The following CHRM3 variants were observed in gnomAD, a reference collection of about 807,000 sequenced individuals.
CHRM3 encodes the protein muscarinic acetylcholine receptor M3.
A neutral mutation model predicts 41.8 loss-of-function variants in CHRM3; 11 were observed. The ratio of observed to expected loss-of-function variants is 0.26; its 90% CI spans 0.17 to 0.44. The LOEUF (loss-of-function observed/expected upper bound fraction) is 0.44. Among genes scored for constraint, CHRM3 ranks in the 20% least tolerant of loss-of-function variants. The pLI is 1.00. For synonymous variants in CHRM3, 297 were observed against 301.4 expected, an observed-to-expected ratio of 0.99 and a Z score of 0.15; for missense variants, 571 against 745.4, an observed-to-expected ratio of 0.77 and a Z score of 2.72.
intron 6 of CHRM3, among the ~76,000 whole-genome samples, chr1:239,871,955 G>T (rs1676626131): frequency 6.6e-6 from 1 of 152,154 alleles, no homozygotes; most frequent in African/African-American, 2.4e-5. Context: ...CTACTTCTCA[G>T]TAATTTAGAC....
intron 1 of CHRM3, among the ~76,000 whole-genome samples, chr1:239,406,916 C>T (rs867401330): frequency 6.6e-6 from 1 of 152,176 alleles, no homozygotes; most frequent in South Asian, 2.1e-4. Context: ...TCTTGGGAAT[C>T]AGAGGGTGAA....
At chr1:239,687,082 A>G (rs1489766191) in intron 5 of CHRM3, among the ~76,000 whole-genome samples, 1 of 151,744 alleles carries the variant, frequency 6.6e-6, no homozygotes, top group Admixed American at 6.6e-5. Flanking sequence ...AATATATGTA[A>G]GATTATCTAT....
chr1:239,397,779 T>C (rs1659622946), intron 1 of CHRM3, among the ~76,000 whole-genome samples: 1 of 148,672 alleles, frequency 6.7e-6, no homozygotes, highest in African/African-American at 2.4e-5. Context: ...ATAGAAAATG[T>C]TGTAAAAGAT....
intron 5 of CHRM3, among the ~76,000 whole-genome samples, chr1:239,744,737 A>C (rs1198976525): frequency 6.6e-6 from 1 of 152,022 alleles, no homozygotes; most frequent in Non-Finnish European, 1.5e-5. Flanking sequence ...TAGATGTAAG[A>C]GTCAGTAATG....
At chr1:239,594,067 T>C (rs1442817021) in intron 3 of CHRM3, among the ~76,000 whole-genome samples, 2 of 152,212 alleles carry the variant, frequency 1.3e-5, no homozygotes, top group Non-Finnish European at 2.9e-5. Context: ...TCCCTTTTAA[T>C]GTCTAAATTA....
intron 5 of CHRM3, among the ~76,000 whole-genome samples, chr1:239,772,256 T>C (rs1336852023): frequency 6.6e-6 from 1 of 152,096 alleles, no homozygotes; most frequent in African/African-American, 2.4e-5. Flanking sequence ...GTTCAAGCGA[T>C]TCTCTTGCCT....
At chr1:239,874,319 A>ATATATATC (rs1676925310) in intron 6 of CHRM3, among the ~76,000 whole-genome samples, 7 of 97,964 alleles carry the variant, frequency 7.1e-5, no homozygotes, top group Non-Finnish European at 1.1e-4. Context: ...ATATATATAT[A>ATATATATC]TATATATACA....
chr1:239,496,970 A>C, intron 2 of CHRM3, among the ~76,000 whole-genome samples: 2 of 152,238 alleles, frequency 1.3e-5, no homozygotes, highest in South Asian at 4.1e-4. Context: ...TGCATGGTAA[A>C]TTAACTAGAC....
intron 3 of CHRM3, among the ~76,000 whole-genome samples, chr1:239,570,648 G>T (rs1423120950): frequency 6.6e-6 from 1 of 152,114 alleles, no homozygotes; most frequent in Non-Finnish European, 1.5e-5. Context: ...TACGGCCATT[G>T]TTTCAAATAA....
chr1:239,682,651 A>G (rs1658681457), intron 5 of CHRM3, among the ~76,000 whole-genome samples: 1 of 152,018 alleles, frequency 6.6e-6, no homozygotes, highest in Non-Finnish European at 1.5e-5. Flanking sequence ...AAAAAAACTG[A>G]CGTAAAATAT....
chr1:239,786,443 G>C (rs1668900849), intron 5 of CHRM3, among the ~76,000 whole-genome samples: 1 of 152,174 alleles, frequency 6.6e-6, no homozygotes, highest in Non-Finnish European at 1.5e-5. Context: ...CCATCTTATA[G>C]ATAAGGAAGC....
chr1:239,567,048 T>C (rs1249876288), intron 3 of CHRM3, among the ~76,000 whole-genome samples: 2 of 152,212 alleles, frequency 1.3e-5, no homozygotes, highest in Non-Finnish European at 2.9e-5. Context: ...TTTATAATTA[T>C]CTCAAGAACT....
intron 6 of CHRM3, among the ~76,000 whole-genome samples, chr1:239,859,737 T>C (rs1310433997): frequency 2.7e-5 from 4 of 150,714 alleles, no homozygotes; most frequent in African/African-American, 9.7e-5. Flanking sequence ...TAAATAAAGA[T>C]TTATTGAAAA....
chr1:239,665,963 TG>T (rs1207975459), intron 4 of CHRM3, among the ~76,000 whole-genome samples: 2 of 152,178 alleles, frequency 1.3e-5, no homozygotes, highest in African/African-American at 4.8e-5. Context: ...TTGTAAATAG[TG>T]CTGCAATAAA....
At chr1:239,513,582 TC>T (rs1408188288) in intron 2 of CHRM3, among the ~76,000 whole-genome samples, 1 of 152,234 alleles carries the variant, frequency 6.6e-6, no homozygotes, top group Non-Finnish European at 1.5e-5. Flanking sequence ...TGGCTTGTAT[TC>T]TCTTTCTCTT....
At chr1:239,693,278 A>C (rs943150918) in intron 5 of CHRM3, among the ~76,000 whole-genome samples, 5 of 152,182 alleles carry the variant, frequency 3.3e-5, no homozygotes, top group Non-Finnish European at 7.3e-5. Flanking sequence ...TCTGCATTAA[A>C]GCCCCAACCC....
intron 4 of CHRM3, among the ~76,000 whole-genome samples, chr1:239,651,486 G>A (rs1672234695): frequency 2.0e-5 from 3 of 152,224 alleles, no homozygotes; most frequent in African/African-American, 7.2e-5. Context: ...GAGAATGCTG[G>A]TGGGGTGTTC....
At chr1:239,833,123 C>T (rs1673029046) in intron 6 of CHRM3, among the ~76,000 whole-genome samples, 1 of 152,190 alleles carries the variant, frequency 6.6e-6, no homozygotes, top group African/African-American at 2.4e-5. Flanking sequence ...TTTAATGAAG[C>T]TGCAGTTCAG....
At chr1:239,676,154 C>T (rs1029346017) in intron 4 of CHRM3, among the ~76,000 whole-genome samples, 1 of 152,186 alleles carries the variant, frequency 6.6e-6, no homozygotes, top group African/African-American at 2.4e-5. Flanking sequence ...AAGACCCTTG[C>T]CCCAGACGCT....
Sources: gnomAD v4.1 joint callset for allele counts (sites outside exome capture counted in the v4.1 genomes callset) on GRCh38, gnomAD v4.1.1 for gene constraint, MANE v1.5 for transcripts, NCBI Gene and HGNC (gene_info 2026-07-23, HGNC 2026-07-21) for gene names.